The following NTM variants were observed in gnomAD, a reference collection of about 807,000 sequenced individuals.
NTM encodes IgLON family member 2.
A neutral mutation model predicts 42.1 loss-of-function variants in NTM; 13 were observed. That is an observed-to-expected ratio of 0.31 (90% CI 0.20 to 0.49). The LOEUF (loss-of-function observed/expected upper bound fraction) is 0.49, where lower values mean the gene tolerates loss of function less well. Among genes scored for constraint, NTM ranks in the 20% least tolerant of loss-of-function variants. The pLI, the probability that NTM is intolerant of heterozygous loss-of-function variation, is 0.99. For missense variants in NTM, 373 were observed against 452.8 expected, an observed-to-expected ratio of 0.82 and a Z score of 1.60; for synonymous variants, 187 against 179.2, an observed-to-expected ratio of 1.04 and a Z score of -0.35.
chr11:131,934,974 C>T (rs1323881016), intron 2 of NTM, among the ~76,000 whole-genome samples: 1 of 152,264 alleles, frequency 6.6e-6, no homozygotes, highest in Admixed American at 6.5e-5. Context: ...GACGCTGCTG[C>T]CTGGCCTCTT....
intron 5 of NTM, among the ~76,000 whole-genome samples, chr11:132,309,151 G>A (rs533621693): frequency 6.6e-6 from 1 of 152,316 alleles, no homozygotes; most frequent in African/African-American, 2.4e-5. Flanking sequence ...GCAACATCAT[G>A]TACAATATTT....
intron 2 of NTM, among the ~76,000 whole-genome samples, chr11:132,030,970 C>T (rs893643382): frequency 3.3e-5 from 5 of 152,102 alleles, no homozygotes; most frequent in African/African-American, 1.2e-4. Context: ...ATTCTGGGGC[C>T]CAGACTGAGG....
intron 1 of NTM, among the ~76,000 whole-genome samples, chr11:131,458,985 T>C (rs74611976): frequency 6.6e-6 from 1 of 152,230 alleles, no homozygotes; most frequent in Non-Finnish European, 1.5e-5. Flanking sequence ...TTTCATTCAA[T>C]CATGTCCATT....
At chr11:132,312,054 C>T (rs906721821) in intron 6 of NTM, among the ~76,000 whole-genome samples, 27 of 152,164 alleles carry the variant, frequency 1.8e-4, no homozygotes, top group African/African-American at 6.5e-4. Flanking sequence ...CCCTTCCCTG[C>T]ACATGTATTT....
chr11:131,971,793 C>A (rs2063568280), intron 2 of NTM, among the ~76,000 whole-genome samples: 1 of 151,944 alleles, frequency 6.6e-6, no homozygotes. Context: ...CGCCTGTAAT[C>A]CCAGTACTTT....
At chr11:131,621,971 T>C (rs182748606) in intron 1 of NTM, among the ~76,000 whole-genome samples, 2 of 152,272 alleles carry the variant, frequency 1.3e-5, no homozygotes, top group Admixed American at 1.3e-4. Flanking sequence ...TTTCAGTCTC[T>C]CTTTGGAAGT....
At chr11:132,276,089 T>A (rs2093717261) in intron 4 of NTM, among the ~76,000 whole-genome samples, 1 of 152,124 alleles carries the variant, frequency 6.6e-6, no homozygotes, top group Non-Finnish European at 1.5e-5. Flanking sequence ...TGTGAGATCA[T>A]GCAGTATTTG....
chr11:131,705,613 G>C (rs1386670940), intron 1 of NTM, among the ~76,000 whole-genome samples: 1 of 151,892 alleles, frequency 6.6e-6, no homozygotes, highest in African/African-American at 2.4e-5. Flanking sequence ...GAAGTTAAAA[G>C]ATAAAATCAT....
chr11:132,042,584 T>C (rs893354311), intron 2 of NTM, among the ~76,000 whole-genome samples: 5 of 152,150 alleles, frequency 3.3e-5, no homozygotes, highest in African/African-American at 1.2e-4. Flanking sequence ...GGCACTGCCA[T>C]TGTCTGCCTC....
intron 4 of NTM, among the ~76,000 whole-genome samples, chr11:132,235,860 ACTACTTAGTATACC>A (rs2088732994): frequency 6.6e-6 from 1 of 152,178 alleles, no homozygotes; most frequent in African/African-American, 2.4e-5. Context: ...AATTATCAGA[ACTACTTAGTATACC>A]CCCAGGAAGT....
At chr11:132,023,352 C>T (rs1334738365) in intron 2 of NTM, among the ~76,000 whole-genome samples, 1 of 152,162 alleles carries the variant, frequency 6.6e-6, no homozygotes, top group East Asian at 1.9e-4. Context: ...GGCAAACAAA[C>T]ACAAGTAATA....
At chr11:132,288,293 T>C (rs536716319) in intron 4 of NTM, among the ~76,000 whole-genome samples, 1 of 152,318 alleles carries the variant, frequency 6.6e-6, no homozygotes, top group South Asian at 2.1e-4. Context: ...AGTTTCTCAG[T>C]GCACAGAAGA....
chr11:131,416,957 A>G (rs1369212057), intron 1 of NTM, among the ~76,000 whole-genome samples: 1 of 152,216 alleles, frequency 6.6e-6, no homozygotes, highest in Non-Finnish European at 1.5e-5. Context: ...ATTCAATTTC[A>G]ATATTAGCAC....
At chr11:131,835,208 G>C (rs2136598663) in intron 1 of NTM, among the ~76,000 whole-genome samples, 1 of 152,226 alleles carries the variant, frequency 6.6e-6, no homozygotes, top group Middle Eastern at 3.4e-3. Context: ...AGATATTTCT[G>C]TTTGAAAATT....
chr11:132,298,911 C>CAT (rs1491205123), intron 4 of NTM, among the ~76,000 whole-genome samples: 5 of 151,770 alleles, frequency 3.3e-5, no homozygotes, highest in African/African-American at 1.2e-4. Flanking sequence ...CACACACACA[C>CAT]GAAATTTATA....
chr11:131,525,935 G>A (rs2050416311), intron 1 of NTM, among the ~76,000 whole-genome samples: 2 of 152,174 alleles, frequency 1.3e-5, no homozygotes, highest in Non-Finnish European at 2.9e-5. Context: ...ATGCTACGTG[G>A]AGTTACTTGC....
intron 2 of NTM, among the ~76,000 whole-genome samples, chr11:132,107,517 CT>C (rs545857909): frequency 1.3e-4 from 19 of 148,018 alleles, no homozygotes; most frequent in Non-Finnish European, 1.7e-4. Flanking sequence ...CCTGGCTAAT[CT>C]TTTTTTTTCC....
intron 1 of NTM, among the ~76,000 whole-genome samples, chr11:131,558,796 G>A (rs1403009673): frequency 6.6e-6 from 1 of 152,158 alleles, no homozygotes; most frequent in Non-Finnish European, 1.5e-5. Flanking sequence ...CCCTACCCTC[G>A]CTGGATCTCT....
chr11:131,575,342 C>T (rs78581788), intron 1 of NTM, among the ~76,000 whole-genome samples: 3,535 of 152,298 alleles, frequency 0.023, 136 homozygotes, highest in African/African-American at 0.08. Context: ...AGTACACTTA[C>T]AGTATATGTC....
Sources: gnomAD v4.1 joint callset for allele counts (sites outside exome capture counted in the v4.1 genomes callset) on GRCh38, gnomAD v4.1.1 for gene constraint, MANE v1.5 for transcripts, NCBI Gene and HGNC (gene_info 2026-07-23, HGNC 2026-07-21) for gene names.